CDH20: variants seen among roughly 807,000 people sequenced by gnomAD.
CDH20 encodes cadherin 20.
Under a neutral mutation model 74.2 loss-of-function variants are expected in CDH20, and 29 were observed. The ratio of observed to expected loss-of-function variants is 0.39; its 90% CI spans 0.29 to 0.53. The LOEUF (loss-of-function observed/expected upper bound fraction) is 0.53, where lower values mean the gene tolerates loss of function less well. CDH20 is among the 20% of genes least tolerant of loss of function. CDH20 has a pLI of 0.69. For missense variants in CDH20, 988 were observed against 1,048.3 expected (o/e 0.94, Z 0.79); for synonymous variants, 469 against 405.4 (o/e 1.16, Z -1.88).
chr18:61,405,933 G>A (rs751885727), intron 1 of CDH20, among the ~76,000 whole-genome samples: 1 of 152,176 alleles, frequency 6.6e-6, no homozygotes, highest in East Asian at 1.9e-4. Context: ...TTCTTTGTCT[G>A]TTAGGATGTG....
chr18:61,546,632 C>T (rs1032673430), intron 10 of CDH20, among the ~76,000 whole-genome samples: 13 of 152,160 alleles, frequency 8.5e-5, no homozygotes, highest in Admixed American at 2.6e-4. Context: ...TTTTCTTCAA[C>T]TGTTCAGCTA....
intron 1 of CDH20, among the ~76,000 whole-genome samples, chr18:61,416,098 CAA>C (rs1397712970): frequency 2.6e-5 from 4 of 151,170 alleles, no homozygotes; most frequent in East Asian, 1.9e-4. Context: ...CTTGGATTTT[CAA>C]AAGAGTTTAA....
intron 2 of CDH20, among the ~76,000 whole-genome samples, chr18:61,498,426 A>G (rs1445907878): frequency 6.6e-6 from 1 of 151,620 alleles, no homozygotes; most frequent in Non-Finnish European, 1.5e-5. Flanking sequence ...AAAAAAAAGG[A>G]TTCTGAGAGC....
intron 1 of CDH20, among the ~76,000 whole-genome samples, chr18:61,477,360 T>G (rs1324887340): frequency 1.3e-5 from 2 of 152,188 alleles, no homozygotes; most frequent in Non-Finnish European, 2.9e-5. Context: ...CAGTCTAGGG[T>G]CAGCTAATTC....
chr18:61,475,921 C>T (rs1362115031), intron 1 of CDH20, among the ~76,000 whole-genome samples: 1 of 152,030 alleles, frequency 6.6e-6, no homozygotes, highest in Non-Finnish European at 1.5e-5. Flanking sequence ...TTTTTCTTAC[C>T]CCCTTCTAAA....
chr18:61,505,803 T>C (rs1911541030), intron 5 of CDH20, among the ~76,000 whole-genome samples: 3 of 152,252 alleles, frequency 2.0e-5, no homozygotes, highest in Admixed American at 6.5e-5. Context: ...CTATGCATTC[T>C]ACACACGTTA....
chr18:61,454,451 T>C (rs1171601142), intron 1 of CDH20, among the ~76,000 whole-genome samples: 1 of 152,322 alleles, frequency 6.6e-6, no homozygotes, highest in South Asian at 2.1e-4. Flanking sequence ...TAAAAACTTA[T>C]TTTCGTTTAT....
intron 9 of CDH20, among the ~76,000 whole-genome samples, chr18:61,541,666 T>C (rs905522502): frequency 1.3e-5 from 2 of 152,144 alleles, no homozygotes; most frequent in African/African-American, 4.8e-5. Context: ...GTTTTGAAGA[T>C]TTTTCAAAAG....
intron 1 of CDH20, among the ~76,000 whole-genome samples, chr18:61,418,030 T>C (rs1250332373): frequency 1.3e-5 from 2 of 152,076 alleles, no homozygotes; most frequent in Admixed American, 6.5e-5. Context: ...ATAATCATAA[T>C]AAAAATGACA....
chr18:61,426,095 T>A (rs1478274363), intron 1 of CDH20, among the ~76,000 whole-genome samples: 1 of 152,130 alleles, frequency 6.6e-6, no homozygotes, highest in Non-Finnish European at 1.5e-5. Flanking sequence ...CCTCTCATAG[T>A]TTTGGGGTTT....
chr18:61,346,225 G>T (rs768689090), intron 1 of CDH20, among the ~76,000 whole-genome samples: 1 of 152,180 alleles, frequency 6.6e-6, no homozygotes, highest in Non-Finnish European at 1.5e-5. Context: ...GAATTGCATC[G>T]TTATGAGTTA....
Position 61,544,098 on chromosome 18 carries a change from C to T in CDH20, c.1531-929C>T, listed in dbSNP as rs1036438469. Among the ~76,000 whole-genome samples, 3 of 152,218 alleles carry T rather than the reference C, an allele frequency of 2.0e-5. No individual in the cohort carries two copies. The South Asian group carries it at 6.2e-4, about 31-fold the overall frequency. ...GCCCAACCCTAAAGCAAAATTAAAT[C>T]CCAAGGTGTGTGATGGCATGGAGAC... On this transcript the variant is annotated intron_variant, in intron 9 of 11. Transcript: ENST00000262717.
intron 1 of CDH20, among the ~76,000 whole-genome samples, chr18:61,437,631 C>T (rs1908882626): frequency 6.6e-6 from 1 of 152,126 alleles, no homozygotes; most frequent in South Asian, 2.1e-4. Context: ...AAATGAAGTT[C>T]TGGGTTAAGA....
chr18:61,358,317 T>A (rs1910566779), intron 1 of CDH20, among the ~76,000 whole-genome samples: 1 of 151,948 alleles, frequency 6.6e-6, no homozygotes, highest in African/African-American at 2.4e-5. Flanking sequence ...AGACGGTGTT[T>A]CACCGTGTTA....
At chr18:61,464,990 C>T (rs1458663277) in intron 1 of CDH20, among the ~76,000 whole-genome samples, 2 of 152,162 alleles carry the variant, frequency 1.3e-5, no homozygotes, top group Admixed American at 6.5e-5. Context: ...AATCTTGACT[C>T]ATAACTTCAG....
rs538436255 is a variant in CDH20 at position 61,407,352 on chromosome 18, A to G, written c.-153+73525A>G. On this transcript the variant is annotated intron_variant, in intron 1 of 11. Coordinates refer to ENST00000262717, the MANE Select transcript of CDH20 (RefSeq NM_031891.4). ...TTAGCTTTCAAAAAGATTTACATAT[A>G]TTTCCCAGAGACAGAGAAAGAAGTT... Among the ~76,000 whole-genome samples the G allele has an allele frequency of 5.3e-5, 8 of 152,302 alleles. No homozygotes were observed. In the East Asian group the frequency reaches 1.5e-3, roughly 29 times the overall value.
intron 6 of CDH20, among the ~76,000 whole-genome samples, chr18:61,513,220 G>A (rs1452710639): frequency 1.4e-5 from 2 of 145,422 alleles, no homozygotes; most frequent in African/African-American, 5.1e-5. Context: ...AGGATAGTTA[G>A]CTCTTCTTGT....
intron 1 of CDH20, among the ~76,000 whole-genome samples, chr18:61,395,004 C>T (rs575903473): frequency 1.3e-5 from 2 of 152,208 alleles, no homozygotes; most frequent in Admixed American, 1.3e-4. Flanking sequence ...CAGCTACCTT[C>T]AGTGGAGACT....
intron 1 of CDH20, among the ~76,000 whole-genome samples, chr18:61,471,569 A>C (rs1404448511): frequency 6.6e-6 from 1 of 152,234 alleles, no homozygotes; most frequent in Non-Finnish European, 1.5e-5. Flanking sequence ...TGGCTTATTC[A>C]ATGGATGAAT....
Sources: allele counts gnomAD v4.1 joint callset (sites outside exome capture counted in the v4.1 genomes callset), GRCh38; gene constraint gnomAD v4.1.1; transcripts MANE v1.5; gene names NCBI Gene and HGNC (gene_info 2026-07-23, HGNC 2026-07-21).